SULF1: variants seen among roughly 807,000 people sequenced by gnomAD.
SULF1 encodes the protein extracellular sulfatase Sulf-1.
Under a neutral mutation model 110.5 loss-of-function variants are expected in SULF1, and 46 were observed. The observed-to-expected ratio is 0.42, with a 90% confidence interval of 0.33 to 0.53. SULF1 has a LOEUF of 0.53. Among genes scored for constraint, SULF1 ranks in the 20% least tolerant of loss-of-function variants. The pLI is 0.12. For missense variants in SULF1, 941 were observed against 1,094.2 expected (o/e 0.86, Z 1.98); for synonymous variants, 371 against 387.1 (o/e 0.96, Z 0.49).
At chr8:69,479,129 C>T (rs915044088) in intron 1 of SULF1, among the ~76,000 whole-genome samples, 2 of 152,264 alleles carry the variant, frequency 1.3e-5, no homozygotes, top group Admixed American at 6.5e-5. Flanking sequence ...TTCAAATAGA[C>T]AATAGGCCAA....
At chr8:69,604,134 A>G (rs1167623333) in intron 12 of SULF1, among the ~76,000 whole-genome samples, 1 of 152,226 alleles carries the variant, frequency 6.6e-6, no homozygotes, top group Non-Finnish European at 1.5e-5. Flanking sequence ...ATACCAAAAA[A>G]GCAAGAGAAT....
chr8:69,497,948 A>G (rs577602401), intron 2 of SULF1, among the ~76,000 whole-genome samples: 16 of 152,320 alleles, frequency 1.1e-4, no homozygotes, highest in African/African-American at 3.8e-4. Flanking sequence ...ACCCACACTT[A>G]CTTGAAGATG....
intron 3 of SULF1, among the ~76,000 whole-genome samples, chr8:69,534,016 A>T (rs1283005971): frequency 6.6e-6 from 1 of 152,226 alleles, no homozygotes; most frequent in Non-Finnish European, 1.5e-5. Flanking sequence ...CTTAGCAGTT[A>T]TGATAATGAC....
At chr8:69,467,890 G>A (rs1220910362) in intron 1 of SULF1, among the ~76,000 whole-genome samples, 1 of 152,110 alleles carries the variant, frequency 6.6e-6, no homozygotes, top group South Asian at 2.1e-4. Flanking sequence ...ATATATGCGA[G>A]TAGCCGTAAC....
At chr8:69,539,911 G>A (rs559158925) in intron 3 of SULF1, among the ~76,000 whole-genome samples, 48 of 152,290 alleles carry the variant, frequency 3.2e-4, no homozygotes, top group South Asian at 1.0e-3. Context: ...AAAAGACATG[G>A]TTAGGCCAGC....
chr8:69,596,607 A>C (rs1031142578), intron 8 of SULF1, among the ~76,000 whole-genome samples: 5 of 152,140 alleles, frequency 3.3e-5, no homozygotes, highest in African/African-American at 1.2e-4. Context: ...TTTTCCTTTT[A>C]ATGAGTGGGA....
chr8:69,564,495 CTG>C (rs1815726530), intron 5 of SULF1, among the ~76,000 whole-genome samples: 1 of 152,108 alleles, frequency 6.6e-6, no homozygotes, highest in African/African-American at 2.4e-5. Context: ...GAGGATGTGA[CTG>C]TAATTTTATG....
At chr8:69,567,614 TA>T (rs1465548390) in intron 5 of SULF1, among the ~76,000 whole-genome samples, 1 of 152,266 alleles carries the variant, frequency 6.6e-6, no homozygotes, top group Admixed American at 6.5e-5. Flanking sequence ...TGGCTTATTT[TA>T]CTTACCCTCA....
In SULF1 at chr8:69,589,021, T is replaced by C. The variant is rs1439234407; in HGVS notation, c.614T>C (p.Met205Thr). The change falls in exon 8 of 23, where the codon ATG becomes ACG. Residue 205 changes from methionine to threonine, a missense_variant. Met to Thr is a moderately conservative substitution (Grantham distance 81). Around this residue, in one of 3 missense-constraint regions of SULF1, gnomAD observed 822 missense variants for 934.3 expected, o/e 0.88. Transcript: ENST00000402687. The part of the protein sequence containing the change: ...ITNESINYFK[M>T]SKRMYPHRPV... Reference sequence around the variant, plus strand: ...AACGAGAGCATTAATTACTTCAAAATGTCTAAGAGAATGTATCCCCATAGG... The same window carrying C: ...AACGAGAGCATTAATTACTTCAAAACGTCTAAGAGAATGTATCCCCATAGG... 4.3e-6 allele frequency: 7 copies of C among 1,614,044 alleles called. No homozygotes were observed. The highest frequency in any genetic ancestry group is 5.9e-6 in the Non-Finnish European group (7 of 1,179,992).
At chr8:69,598,423 G>A (rs1024533590) in intron 8 of SULF1, among the ~76,000 whole-genome samples, 7 of 152,014 alleles carry the variant, frequency 4.6e-5, no homozygotes, top group Non-Finnish European at 8.8e-5. Flanking sequence ...ATAGAGTCTC[G>A]CTCTGTTACC....
At position 69,502,690 on chromosome 8, in the gene SULF1, C is replaced by CTTTT. The variant is rs765285613; in HGVS notation, c.-134+734_-134+737dup. Among the ~76,000 whole-genome samples the CTTTT allele has an allele frequency of 8.7e-4, 110 of 125,902 alleles. 4 individuals are homozygous for CTTTT. Among genetic ancestry groups the CTTTT allele is most frequent in the Admixed American group, 2.1e-3 (26 of 12,164 alleles). The allele number at this position is 125,902 out of a possible 152,430, so 82.6% of individuals were successfully genotyped here. A position where few individuals can be genotyped will look rare whatever the true frequency, so the allele number is the denominator to read the frequency against. On this transcript the variant is annotated intron_variant, in intron 3 of 22. Transcript: ENST00000402687. ...TTTTCTTTTCTTTTTCTTTTTTTTT[C>CTTTT]TTTTTTTTTTTTTTTGAGAGGAAGT... is the stretch of plus-strand genomic sequence containing the variant.
chr8:69,651,979 C>T (rs558158269), intron 22 of SULF1, among the ~76,000 whole-genome samples: 2 of 152,184 alleles, frequency 1.3e-5, no homozygotes, highest in East Asian at 3.9e-4. Flanking sequence ...TCTGGGGGCT[C>T]GAGGCAAGAA....
intron 6 of SULF1, among the ~76,000 whole-genome samples, chr8:69,576,857 G>A (rs1368621379): frequency 6.6e-6 from 1 of 152,168 alleles, no homozygotes; most frequent in East Asian, 1.9e-4. Flanking sequence ...GAATCACCTA[G>A]GCTTATTCAT....
chr8:69,642,188 A>C (rs770963353), intron 22 of SULF1: 109 of 955,954 alleles, frequency 1.1e-4, no homozygotes, highest in Non-Finnish European at 1.3e-4. Flanking sequence ...TATCTTCTTC[A>C]TCTGTATTAA....
At chr8:69,631,895 T>C (rs922945244) in intron 19 of SULF1, among the ~76,000 whole-genome samples, 25 of 152,242 alleles carry the variant, frequency 1.6e-4, no homozygotes, top group African/African-American at 4.3e-4. Context: ...TTTTCCCCCA[T>C]GGGACGTATC....
chr8:69,627,676 G>A lies in SULF1; in HGVS notation c.1948-96G>A, dbSNP rs4738002. The A allele has an allele frequency of 0.75, 611,318 of 819,900 alleles. 229,050 individuals carry two copies. Among genetic ancestry groups the A allele is most frequent in the African/African-American group, 0.88 (51,878 of 58,648 alleles). 50.8% of individuals were successfully genotyped at this position (819,900 alleles called of 1,614,324 possible). Reference sequence around the variant, plus strand: ...TAAGTATCATCTCAGATGAATAGCTGTTATTACAGAACAGAGAAAACAAGG... The same window carrying A: ...TAAGTATCATCTCAGATGAATAGCTATTATTACAGAACAGAGAAAACAAGG... On this transcript the variant is annotated intron_variant, in intron 16 of 22. Coordinates refer to ENST00000402687, the MANE Select transcript of SULF1 (RefSeq NM_001128205.2).
chr8:69,632,608 T>A (rs1248113700), intron 19 of SULF1, among the ~76,000 whole-genome samples: 1 of 152,096 alleles, frequency 6.6e-6, no homozygotes, highest in African/African-American at 2.4e-5. Flanking sequence ...AGGCACAAGA[T>A]CCTCCAATGC....
intron 1 of SULF1, among the ~76,000 whole-genome samples, chr8:69,494,207 C>G (rs777983053): frequency 1.3e-5 from 2 of 152,348 alleles, no homozygotes; most frequent in African/African-American, 4.8e-5. Context: ...GCTTTATCAT[C>G]TTTACCTCTA....
At chr8:69,556,963 C>A (rs562633682) in intron 3 of SULF1, among the ~76,000 whole-genome samples, 23 of 152,268 alleles carry the variant, frequency 1.5e-4, no homozygotes, top group Admixed American at 1.1e-3. Flanking sequence ...GCTGTTCCCC[C>A]ACATGGGTCC....
Sources: gnomAD v4.1 joint callset for allele counts (sites outside exome capture counted in the v4.1 genomes callset) on GRCh38, gnomAD v4.1.1 for gene constraint, gnomAD v4.1.1 regional missense constraint, MANE v1.5 for transcripts, NCBI Gene and HGNC (gene_info 2026-07-23, HGNC 2026-07-21) for gene names.